The following TLK1 variants were observed in gnomAD, a reference collection of about 807,000 sequenced individuals.
TLK1 encodes tousled like kinase 1.
TLK1 carries 24 observed loss-of-function variants against 105.3 expected under a neutral mutation model. The ratio of observed to expected loss-of-function variants is 0.23; its 90% CI spans 0.17 to 0.32. The LOEUF (loss-of-function observed/expected upper bound fraction) is 0.32, where lower values mean the gene tolerates loss of function less well. Among genes scored for constraint, TLK1 ranks in the 10% least tolerant of loss-of-function variants. TLK1 has a pLI of 1.00. For missense variants in TLK1, 558 were observed against 910.5 expected, an observed-to-expected ratio of 0.61 and a Z score of 4.98; for synonymous variants, 321 against 310.4, an observed-to-expected ratio of 1.03 and a Z score of -0.36.
rs1683908162 is a variant in TLK1 at position 170,993,734 on chromosome 2, C to T, written c.*46G>A. The T allele has an allele frequency of 7.3e-7, 1 of 1,368,872 alleles. No individual in the cohort carries two copies. The highest frequency in any genetic ancestry group is 1.8e-5 in the South Asian group (1 of 55,566). 84.8% of individuals were successfully genotyped at this position (1,368,872 alleles called of 1,614,324 possible). On this transcript the variant is annotated 3_prime_UTR_variant, in exon 21 of 21. Coordinates refer to ENST00000431350, the MANE Select transcript of TLK1 (RefSeq NM_012290.5). ...TCAAATGCTCTCAAACTTAAGTGTG[C>T]ATCTGGAAGCAAATTCAAAGATATC...
At chr2:171,107,760 G>A (rs989317822) in intron 2 of TLK1, among the ~76,000 whole-genome samples, 2 of 151,992 alleles carry the variant, frequency 1.3e-5, no homozygotes, top group South Asian at 4.1e-4. Context: ...TATAACAACA[G>A]AATAAAAAAA....
At chr2:171,187,486 A>G (rs1040809741) in intron 1 of TLK1, among the ~76,000 whole-genome samples, 1 of 152,232 alleles carries the variant, frequency 6.6e-6, no homozygotes. Flanking sequence ...TCCTAAACTT[A>G]CTTCTAACTC....
chr2:171,160,491 ACCCGCCT>A lies in TLK1; in HGVS notation c.-70_-64del, dbSNP rs1331441443. 1.2e-5 allele frequency: 18 copies of A among 1,562,812 alleles called. No individual in the cohort carries two copies. The South Asian group carries it at 1.2e-4, about 10-fold the overall frequency. ...CGGCAGCGGCGGCAACGGCACCGGC[ACCCGCCT>A]CCGTCATGGCGGGGGCCGCGCTGAG... On this transcript the variant is annotated 5_prime_UTR_variant, in exon 1 of 21. It introduces an in-frame stop codon into an upstream open reading frame of the 5' UTR. Coordinates refer to ENST00000431350, the MANE Select transcript of TLK1 (RefSeq NM_012290.5). This position sits in a 1 kb window ranked among gnomAD's most constrained non-coding sequence, Gnocchi z 4.4.
chr2:171,069,745 A>G (rs1397371706), intron 3 of TLK1, among the ~76,000 whole-genome samples: 1 of 152,214 alleles, frequency 6.6e-6, no homozygotes, highest in Non-Finnish European at 1.5e-5. Context: ...CAGAGGCTAT[A>G]TGACATGTGA....
At chr2:171,140,862 G>C (rs753683071) in intron 1 of TLK1, among the ~76,000 whole-genome samples, 1 of 152,014 alleles carries the variant, frequency 6.6e-6, no homozygotes, top group African/African-American at 2.4e-5. Flanking sequence ...ACAGACTCTC[G>C]AATAAGTATG....
chr2:171,082,417 A>C (rs954944762), intron 3 of TLK1, among the ~76,000 whole-genome samples: 1 of 152,168 alleles, frequency 6.6e-6, no homozygotes, highest in Non-Finnish European at 1.5e-5. Flanking sequence ...ACTCTTACTA[A>C]GGATCAAACT....
chr2:171,206,552 T>C (rs1012574589), intron 1 of TLK1, among the ~76,000 whole-genome samples: 9 of 152,024 alleles, frequency 5.9e-5, no homozygotes, highest in Admixed American at 4.6e-4. Context: ...CATATACGGG[T>C]TCCAACAGTG....
rs71008739 is a variant in TLK1 at position 170,993,668 on chromosome 2, TAAAAAAAA to T, written c.*104_*111del. 186 of 433,434 alleles carry T rather than the reference TAAAAAAAA, an allele frequency of 4.3e-4. No individual in the cohort carries two copies. Among genetic ancestry groups the T allele is most frequent in the Middle Eastern group, 7.1e-4 (1 of 1,414 alleles). The allele number at this position is 433,434 out of a possible 1,614,324, so 26.8% of individuals were successfully genotyped here. On this transcript the variant is annotated 3_prime_UTR_variant, in exon 21 of 21. Transcript: ENST00000431350. Reference sequence around the variant, plus strand: ...AAACAGTTCTTAACCACGTCTTGTGTAAAAAAAAAAAAAAAAAAAAAAGAAAAAGAAAA... The same window carrying T: ...AAACAGTTCTTAACCACGTCTTGTGTAAAAAAAAAAAAAAGAAAAAGAAAA...
chr2:171,117,783 T>A lies in TLK1; in HGVS notation c.214A>T (p.Ser72Cys). The change falls in exon 2 of 21, where the codon AGT becomes TGT. Residue 72 changes from serine (S) to cysteine (C), a missense_variant. Transcript: ENST00000431350. Reference sequence around the variant, plus strand: ...CTGCCCGTACTTCCAGTGCTCCCACTTGCAACTCCAGTAAATCTAGCTTCC... The same window carrying A: ...CTGCCCGTACTTCCAGTGCTCCCACATGCAACTCCAGTAAATCTAGCTTCC... The part of the protein sequence containing the change: ...LLEARFTGVA[S>C]GSTGSTGSCS... The A allele has an allele frequency of 6.2e-7, 1 of 1,614,030 alleles. No individual in the cohort carries two copies.
At chr2:171,129,342 C>A (rs906978999) in intron 1 of TLK1, among the ~76,000 whole-genome samples, 2 of 152,164 alleles carry the variant, frequency 1.3e-5, no homozygotes, top group African/African-American at 4.8e-5. Context: ...TGATTTACTG[C>A]TCCACAGTAC....
chr2:171,086,651 C>G (rs1219754796), intron 2 of TLK1, among the ~76,000 whole-genome samples: 1 of 138,240 alleles, frequency 7.2e-6, no homozygotes, highest in Non-Finnish European at 1.6e-5. Flanking sequence ...AAAAAAAAAA[C>G]AGAAAAAAAA....
intron 1 of TLK1, among the ~76,000 whole-genome samples, chr2:171,227,228 T>C (rs1228614471): frequency 2.6e-5 from 4 of 152,190 alleles, no homozygotes; most frequent in Non-Finnish European, 5.9e-5. Context: ...GATAAATACA[T>C]GACCCAGCCC....
At chr2:171,065,708 T>C (rs1049847969) in intron 3 of TLK1, among the ~76,000 whole-genome samples, 3 of 152,020 alleles carry the variant, frequency 2.0e-5, no homozygotes, top group Non-Finnish European at 4.4e-5. Context: ...CGGCTAATTT[T>C]TTTGTATTTT....
intron 18 of TLK1, among the ~76,000 whole-genome samples, chr2:171,003,045 CG>C (rs1000008201): frequency 1.3e-4 from 19 of 151,834 alleles, no homozygotes; most frequent in African/African-American, 4.3e-4. Flanking sequence ...GAGGCCGAGG[CG>C]GGTGGATCAT....
At chr2:171,208,800 A>C (rs1693556015) in intron 1 of TLK1, among the ~76,000 whole-genome samples, 1 of 152,206 alleles carries the variant, frequency 6.6e-6, no homozygotes, top group Non-Finnish European at 1.5e-5. Flanking sequence ...GGGACTGCAA[A>C]ATGATGCAAG....
intron 1 of TLK1, among the ~76,000 whole-genome samples, chr2:171,196,607 A>T (rs1018247471): frequency 6.6e-6 from 1 of 152,216 alleles, no homozygotes. Flanking sequence ...CTTCCCAGCT[A>T]CATGGACAGA....
At chr2:171,149,183 C>A (rs1575630652) in intron 1 of TLK1, among the ~76,000 whole-genome samples, 1 of 130,802 alleles carries the variant, frequency 7.6e-6, no homozygotes, top group Non-Finnish European at 1.6e-5. Flanking sequence ...CTAGCCTGGA[C>A]AACAGAGCAA....
chr2:171,043,893 A>C (rs1424993472), intron 11 of TLK1, among the ~76,000 whole-genome samples: 1 of 152,164 alleles, frequency 6.6e-6, no homozygotes, highest in African/African-American at 2.4e-5. Flanking sequence ...CTTTCTTTTA[A>C]TACAATCACC....
intron 14 of TLK1, among the ~76,000 whole-genome samples, chr2:171,009,655 T>C (rs922798927): frequency 1.3e-5 from 2 of 152,168 alleles, no homozygotes; most frequent in Non-Finnish European, 2.9e-5. Flanking sequence ...ATGTTCTATA[T>C]GATTTACATG....
Sources: gnomAD v4.1 joint callset for allele counts (sites outside exome capture counted in the v4.1 genomes callset) on GRCh38, gnomAD v4.1.1 for gene constraint, Gnocchi (gnomAD v3.1) non-coding constraint, MANE v1.5 for transcripts, NCBI Gene and HGNC (gene_info 2026-07-23, HGNC 2026-07-21) for gene names.